The following RHBDF2 variants were observed in gnomAD, a reference collection of about 807,000 sequenced individuals.
RHBDF2 encodes the protein inactive rhomboid protein 2.
Under a neutral mutation model 95.2 loss-of-function variants are expected in RHBDF2, and 38 were observed. The ratio of observed to expected loss-of-function variants is 0.40; its 90% CI spans 0.31 to 0.52. The LOEUF is 0.52. RHBDF2 is among the 20% of genes least tolerant of loss of function. The pLI, the probability that RHBDF2 is intolerant of heterozygous loss-of-function variation, is 0.56. For missense variants in RHBDF2, 863 were observed against 1,137.7 expected (o/e 0.76, Z 3.47); for synonymous variants, 442 against 462.0 (o/e 0.96, Z 0.55).
At chr17:76,478,103 C>G (rs1314061327) in intron 6 of RHBDF2, among the ~76,000 whole-genome samples, 1 of 152,220 alleles carries the variant, frequency 6.6e-6, no homozygotes, top group Non-Finnish European at 1.5e-5. Context: ...ACATTCTATA[C>G]CCTCACTCCC....
At position 76,501,389 on chromosome 17, in the gene RHBDF2, T is replaced by A. The variant is rs1425166740; in HGVS notation, c.-256A>T. The A allele has an allele frequency of 1.3e-5, 2 of 152,110 alleles. No individual in the cohort carries two copies. The highest frequency in any genetic ancestry group is 2.9e-5 in the Non-Finnish European group (2 of 68,020). 9.4% of individuals were successfully genotyped at this position (152,110 alleles called of 1,614,324 possible). A position where few individuals can be genotyped will look rare whatever the true frequency, so the allele number is the denominator to read the frequency against. ...CCCAAGTCCCCGGGACGCAACTCCG[T>A]GCGGCGCCTGCGAGCGGCTGGGCGG... On this transcript the variant is annotated 5_prime_UTR_variant, in exon 1 of 19. Transcript: ENST00000675367.
chr17:76,477,698 C>A lies in RHBDF2; in HGVS notation c.760G>T (p.Val254Phe). The change falls in exon 7 of 19, where the codon GTC becomes TTC. Residue 254 changes from valine to phenylalanine, a missense_variant. By Grantham distance (50) the Val-to-Phe change is conservative. Around this residue, in one of 2 missense-constraint regions of RHBDF2, gnomAD observed 611 missense variants for 725.5 expected, o/e 0.84. Coordinates refer to ENST00000675367, the MANE Select transcript of RHBDF2 (RefSeq NM_001005498.4). ...AFPSFLEEDV[V>F]DGADTFDSSF... ...GAGTCAAACGTGTCTGCCCCATCGACCACATCCTCCTCCAGGAAGCTCGGG... is the reference window on the plus strand; with the variant it reads ...GAGTCAAACGTGTCTGCCCCATCGAACACATCCTCCTCCAGGAAGCTCGGG... The A allele has an allele frequency of 6.2e-7, 1 of 1,614,158 alleles. No individual in the cohort carries two copies. Among genetic ancestry groups the A allele is most frequent in the Non-Finnish European group, 8.5e-7 (1 of 1,180,020 alleles).
intron 4 of RHBDF2, chr17:76,479,516 CG>C: frequency 1.3e-6 from 1 of 757,674 alleles, no homozygotes; most frequent in Non-Finnish European, 2.3e-6. Flanking sequence ...CCCAGCTCCT[CG>C]AAGCCCCCCA....
intron 1 of RHBDF2, among the ~76,000 whole-genome samples, chr17:76,491,331 C>A (rs1490923691): frequency 3.3e-5 from 5 of 152,226 alleles, no homozygotes; most frequent in African/African-American, 1.2e-4. Flanking sequence ...TGCCCAGGAT[C>A]CGCTGCATGG....
chr17:76,500,742 G>A (rs1339220425), intron 1 of RHBDF2, among the ~76,000 whole-genome samples: 2 of 152,178 alleles, frequency 1.3e-5, no homozygotes, highest in Non-Finnish European at 2.9e-5. Flanking sequence ...AACATCCGAG[G>A]GGCCAAACAG....
At chr17:76,482,004 AAAC>A (rs2073987648) in intron 2 of RHBDF2, 2 of 24,192 alleles carry the variant, frequency 8.3e-5, no homozygotes, top group Non-Finnish European at 1.6e-4. Context: ...CACACACACA[AAAC>A]CAAAAACAAA....
Position 76,478,821 on chromosome 17 carries a change from G to C in RHBDF2, c.657C>G (p.Ala219=), listed in dbSNP as rs754997571. 3 of 1,612,724 alleles carry C rather than the reference G, an allele frequency of 1.9e-6. No homozygotes were observed. The South Asian group carries it at 3.3e-5, about 18-fold the overall frequency. ...AGCCCCGCACCTTGAGGAGGGCAGCGGCAGCTTGCAAGCTCATGTGGGCCA... is the reference window on the plus strand; with the variant it reads ...AGCCCCGCACCTTGAGGAGGGCAGCCGCAGCTTGCAAGCTCATGTGGGCCA... ...MSVAHMSLQA[A]AALLKGRSVL... Residue 219 remains alanine, a synonymous_variant, in exon 6 of 19, where the codon GCC becomes GCG. Transcript: ENST00000675367.
rs1228917354 is a variant in RHBDF2 at position 76,471,846 on chromosome 17, G to A, written c.2271C>T (p.Ala757=). 3 of 1,593,806 alleles carry A rather than the reference G, an allele frequency of 1.9e-6. No individual in the cohort carries two copies. Among genetic ancestry groups the A allele is most frequent in the East Asian group, 4.5e-5 (2 of 44,108 alleles). The change falls in exon 19 of 19, where the codon GCC becomes GCT. Residue 757 remains alanine (A), a synonymous_variant. Transcript: ENST00000675367. ...TGCCGAAGGTGATGTAGGGCAGGAA[G>A]GCGAAGGCCAGCAGCAGGCCACTGA... ...GFLSGLLLAF[A]FLPYITFGTS...
In RHBDF2 at chr17:76,496,889, G is replaced by A. The variant is rs534951639; in HGVS notation, c.-220+4464C>T. ...CGATTCTCCTGCCTCAGCCTCCTGA[G>A]TAGCTGGGACTACAGGTGCATGCCA... is the stretch of plus-strand genomic sequence containing the variant. On this transcript the variant is annotated intron_variant, in intron 1 of 18. Coordinates refer to ENST00000675367, the MANE Select transcript of RHBDF2 (RefSeq NM_001005498.4). Among the ~76,000 whole-genome samples, 7 of 152,276 alleles carry A rather than the reference G, an allele frequency of 4.6e-5. No individual in the cohort carries two copies. The East Asian group carries it at 9.7e-4, about 21-fold the overall frequency.
At chr17:76,492,450 C>G (rs983069747) in intron 1 of RHBDF2, among the ~76,000 whole-genome samples, 2 of 152,206 alleles carry the variant, frequency 1.3e-5, no homozygotes, top group Non-Finnish European at 2.9e-5. Context: ...CAGGCACTCC[C>G]AACCAAGCCT....
intron 1 of RHBDF2, among the ~76,000 whole-genome samples, chr17:76,492,821 G>T (rs1199249959): frequency 1.3e-5 from 2 of 152,212 alleles, no homozygotes; most frequent in Non-Finnish European, 2.9e-5. Context: ...TGATGCAAGG[G>T]CTGAGCCTGC....
chr17:76,491,332 C>T (rs566071323), intron 1 of RHBDF2, among the ~76,000 whole-genome samples: 118 of 152,320 alleles, frequency 7.7e-4, no homozygotes, highest in African/African-American at 2.7e-3. Flanking sequence ...GCCCAGGATC[C>T]GCTGCATGGC....
In RHBDF2 at chr17:76,477,650, T is replaced by C. The variant is rs1472834523; in HGVS notation, c.801+7A>G. ...CCAACTCCTGCTGTCCCACACCCCA[T>C]GCTTGCCTTACTAAAAAAGGAGGAG... On this transcript the variant is annotated splice_region_variant and intron_variant, in intron 7 of 18. Transcript: ENST00000675367. The C allele has an allele frequency of 1.2e-6, 2 of 1,613,900 alleles. No individual in the cohort carries two copies. The highest frequency in any genetic ancestry group is 2.2e-5 in the East Asian group (1 of 44,872).
intron 1 of RHBDF2, among the ~76,000 whole-genome samples, chr17:76,496,354 T>C (rs984739421): frequency 6.6e-6 from 1 of 152,218 alleles, no homozygotes; most frequent in African/African-American, 2.4e-5. Flanking sequence ...TGAAGTCACC[T>C]GTCCAAGGTC....
chr17:76,475,173 G>A (rs1244783057), intron 9 of RHBDF2, 32 bp from the exon 10 acceptor site: 8 of 1,502,088 alleles, frequency 5.3e-6, no homozygotes, highest in African/African-American at 2.8e-5. Flanking sequence ...CAGCTGAGCC[G>A]AGCTCCTATC....
At chr17:76,488,279 C>G (rs2074196740) in intron 1 of RHBDF2, 1 of 152,190 alleles carries the variant, frequency 6.6e-6, no homozygotes, top group African/African-American at 2.4e-5. Context: ...GCAGGTGGAT[C>G]ACCTGAGGTC....
chr17:76,481,391 T>C lies in RHBDF2; in HGVS notation c.134A>G (p.Asp45Gly). ...EKETQAPGEQ[D>G]SMLPERKNPA... ...CCCCCTTACCTCAGGCAGCATGCTGTCCTGCTCGCCAGGGGCCTGGGTCTC... is the reference window on the plus strand; with the variant it reads ...CCCCCTTACCTCAGGCAGCATGCTGCCCTGCTCGCCAGGGGCCTGGGTCTC... The change falls in exon 3 of 19, where the codon GAC becomes GGC. Residue 45 changes from aspartate (D) to glycine (G), a missense_variant. By Grantham distance (94) the Asp-to-Gly change is moderately conservative (BLOSUM62 -1). Coordinates refer to ENST00000675367, the MANE Select transcript of RHBDF2 (RefSeq NM_001005498.4). 1 of 1,612,194 alleles carries C rather than the reference T, an allele frequency of 6.2e-7. No homozygotes were observed. Among genetic ancestry groups the C allele is most frequent in the Non-Finnish European group, 8.5e-7 (1 of 1,179,906 alleles).
intron 1 of RHBDF2, among the ~76,000 whole-genome samples, chr17:76,500,152 C>T (rs938937090): frequency 1.4e-4 from 21 of 152,150 alleles, no homozygotes; most frequent in African/African-American, 5.1e-4. Flanking sequence ...CCAGCTGCTG[C>T]GCAGGGTTTC....
intron 1 of RHBDF2, among the ~76,000 whole-genome samples, chr17:76,493,492 C>A (rs982737561): frequency 2.7e-5 from 4 of 149,502 alleles, no homozygotes; most frequent in Non-Finnish European, 3.0e-5. Context: ...GGCAAGAAGG[C>A]TGGCTGGGGG....
Sources: allele counts gnomAD v4.1 joint callset (sites outside exome capture counted in the v4.1 genomes callset), GRCh38; gene constraint gnomAD v4.1.1; regional missense constraint gnomAD v4.1.1; transcripts MANE v1.5; gene names NCBI Gene and HGNC (gene_info 2026-07-23, HGNC 2026-07-21).